Variants in TRIM69 observed in about 807,000 individuals in gnomAD.
The protein encoded by TRIM69 is E3 ubiquitin-protein ligase TRIM69.
In TRIM69, 29 loss-of-function variants were observed where a neutral mutation model predicts 37.7. That is an observed-to-expected ratio of 0.77 (90% CI 0.57 to 1.05). The LOEUF (loss-of-function observed/expected upper bound fraction) is 1.05, where lower values mean the gene tolerates loss of function less well. TRIM69 is among the 50% of genes least tolerant of loss of function. TRIM69 has a pLI of 0.00. For missense variants in TRIM69, 596 were observed against 579.9 expected, an observed-to-expected ratio of 1.03 and a Z score of -0.28; for synonymous variants, 209 against 212.4, an observed-to-expected ratio of 0.98 and a Z score of 0.14.
chr15:44,761,557 G>A (rs961479420), intron 6 of TRIM69, among the ~76,000 whole-genome samples: 2 of 152,044 alleles, frequency 1.3e-5, no homozygotes, highest in African/African-American at 2.4e-5. Flanking sequence ...CTCTGCCTCC[G>A]AAGCTCAAGT....
chr15:44,750,230 T>C (rs1200157690), intron 1 of TRIM69, among the ~76,000 whole-genome samples: 1 of 152,232 alleles, frequency 6.6e-6, no homozygotes, highest in African/African-American at 2.4e-5. Context: ...TTGTGATGTC[T>C]TTATCTGTCT....
chr15:44,767,778 C>T lies in TRIM69; in HGVS notation c.*6C>T. On this transcript the variant is annotated 3_prime_UTR_variant, in exon 7 of 7. Coordinates refer to ENST00000329464, the MANE Select transcript of TRIM69 (RefSeq NM_182985.5). ...ACATCTTACATCCACAGTAATGAGT[C>T]ATAATATTATACAAATTCAGAGTGT... The T allele has an allele frequency of 6.3e-7, 1 of 1,599,424 alleles. No homozygotes were observed.
intron 1 of TRIM69, chr15:44,753,075 A>G (rs1272494511): frequency 6.6e-6 from 1 of 152,172 alleles, no homozygotes; most frequent in Non-Finnish European, 1.5e-5. Context: ...GACTTTACCT[A>G]TGTAGCTACT....
chr15:44,758,357 T>C (rs1458814125), intron 3 of TRIM69: 2 of 549,162 alleles, frequency 3.6e-6, no homozygotes, highest in South Asian at 2.2e-5. Flanking sequence ...TTATTTAATA[T>C]GGCATTGGTT....
At chr15:44,756,188 G>A (rs191459055) in intron 2 of TRIM69, among the ~76,000 whole-genome samples, 180 bp from the exon 3 acceptor site, 13 of 151,946 alleles carry the variant, frequency 8.6e-5, no homozygotes, top group African/African-American at 2.2e-4. Flanking sequence ...TGCCACACCC[G>A]GCCTTTTCTT....
intron 6 of TRIM69, among the ~76,000 whole-genome samples, chr15:44,761,163 C>T (rs901534025): frequency 2.0e-5 from 3 of 152,180 alleles, no homozygotes; most frequent in Admixed American, 2.0e-4. Flanking sequence ...CGTGATCTGC[C>T]CGCCTCAGCC....
At chr15:44,748,882 A>C (rs999773448) in intron 1 of TRIM69, among the ~76,000 whole-genome samples, 6 of 147,382 alleles carry the variant, frequency 4.1e-5, no homozygotes, top group African/African-American at 1.5e-4. Flanking sequence ...GCTTCAGTTT[A>C]GTATTATTAA....
intron 1 of TRIM69, among the ~76,000 whole-genome samples, chr15:44,742,995 C>G (rs2087324587): frequency 6.6e-6 from 1 of 151,794 alleles, no homozygotes; most frequent in African/African-American, 2.4e-5. Context: ...AAAAAAGAGC[C>G]CGCATCGCCA....
At chr15:44,741,501 C>T (rs1380882962) in intron 1 of TRIM69, among the ~76,000 whole-genome samples, 1 of 152,162 alleles carries the variant, frequency 6.6e-6, no homozygotes, top group Non-Finnish European at 1.5e-5. Context: ...ACACAATAAA[C>T]CCTTCAAAAA....
chr15:44,748,825 CAAAAAAAAAAAAA>C (rs375092348), intron 1 of TRIM69, among the ~76,000 whole-genome samples: 1 of 114,268 alleles, frequency 8.8e-6, no homozygotes, highest in Non-Finnish European at 1.8e-5. Flanking sequence ...GACTTTGTCT[CAAAAAAAAAAAAA>C]AAAAAAAAAA....
chr15:44,767,078 A>AAAAAAAAAAAAAAAAAAAAAAAAT (rs2087908675), intron 6 of TRIM69, among the ~76,000 whole-genome samples, 153 bp from the exon 7 acceptor site: 1 of 148,836 alleles, frequency 6.7e-6, no homozygotes, highest in Non-Finnish European at 1.5e-5. Flanking sequence ...AAAAAAAAAA[A>AAAAAAAAAAAAAAAAAAAAAAAAT]AAAAAAGCAT....
chr15:44,743,455 T>C (rs1382842318), intron 1 of TRIM69, among the ~76,000 whole-genome samples: 5 of 152,154 alleles, frequency 3.3e-5, no homozygotes, highest in Non-Finnish European at 5.9e-5. Context: ...AAAGCCAAAA[T>C]TGACAAATGC....
chr15:44,758,520 G>A, intron 3 of TRIM69, 101 bp from the exon 4 acceptor site: 2 of 1,493,626 alleles, frequency 1.3e-6, no homozygotes. Context: ...GCATTTTTCT[G>A]TGATGGTATT....
chr15:44,747,847 C>A (rs1358049131), intron 1 of TRIM69, among the ~76,000 whole-genome samples: 2 of 152,080 alleles, frequency 1.3e-5, no homozygotes, highest in Non-Finnish European at 2.9e-5. Flanking sequence ...GATCATGAGG[C>A]AAAGAATGTT....
chr15:44,758,674 T>C lies in TRIM69; in HGVS notation c.633T>C (p.His211=), dbSNP rs1367968462. The C allele has an allele frequency of 2.5e-6, 4 of 1,613,964 alleles. No homozygotes were observed. In the African/African-American group the frequency reaches 5.3e-5, roughly 22 times the overall value. The change falls in exon 4 of 7, where the codon CAT becomes CAC. Residue 211 remains histidine (H), a synonymous_variant. Transcript: ENST00000329464. ...QHVSMEFLKL[H]QFLHSKEKDI... ...TGTCCATGGAGTTTCTAAAGCTGCATCAGTTCCTGCACAGCAAAGAAAAGG... is the reference window on the plus strand; with the variant it reads ...TGTCCATGGAGTTTCTAAAGCTGCACCAGTTCCTGCACAGCAAAGAAAAGG...
At chr15:44,762,569 TC>T (rs969603773) in intron 6 of TRIM69, among the ~76,000 whole-genome samples, 9 of 152,140 alleles carry the variant, frequency 5.9e-5, no homozygotes, top group African/African-American at 1.9e-4. Context: ...TTTTTTCACC[TC>T]ACACTTTATT....
intron 1 of TRIM69, among the ~76,000 whole-genome samples, chr15:44,741,611 G>A (rs1289580093): frequency 5.9e-5 from 9 of 151,940 alleles, no homozygotes; most frequent in Admixed American, 1.3e-4. Context: ...TCAAATAGAA[G>A]CAATAAAGAA....
chr15:44,767,076 A>AAAAAAAAAAAAAAAAAAAAAAAT (rs1425969530), intron 6 of TRIM69, among the ~76,000 whole-genome samples, 155 bp from the exon 7 acceptor site: 1 of 147,516 alleles, frequency 6.8e-6, no homozygotes, highest in Non-Finnish European at 1.5e-5. Flanking sequence ...AAAAAAAAAA[A>AAAAAAAAAAAAAAAAAAAAAAAT]AAAAAAAAGC....
intron 1 of TRIM69, chr15:44,752,841 G>A (rs2087564208): frequency 6.6e-6 from 1 of 152,032 alleles, no homozygotes; most frequent in South Asian, 2.1e-4. Flanking sequence ...TAACGATCTA[G>A]GGTGAATTAA....
Sources: gnomAD v4.1 joint callset for allele counts (sites outside exome capture counted in the v4.1 genomes callset) on GRCh38, gnomAD v4.1.1 for gene constraint, MANE v1.5 for transcripts, NCBI Gene and HGNC (gene_info 2026-07-23, HGNC 2026-07-21) for gene names.